CNKSR3: variants seen among roughly 807,000 people sequenced by gnomAD.
The protein encoded by CNKSR3 is CNKSR family member 3.
A neutral mutation model predicts 67.7 loss-of-function variants in CNKSR3; 36 were observed. The ratio of observed to expected loss-of-function variants is 0.53; its 90% CI spans 0.41 to 0.70. The LOEUF (loss-of-function observed/expected upper bound fraction) is 0.70, where lower values mean the gene tolerates loss of function less well. CNKSR3 is among the 30% of genes least tolerant of loss of function. The pLI is 0.00. For missense variants in CNKSR3, 630 were observed against 695.2 expected (o/e 0.91, Z 1.05); for synonymous variants, 281 against 271.4 (o/e 1.04, Z -0.35).
At position 154,404,926 on chromosome 6, in the gene CNKSR3, A is replaced by G. The variant is rs1193233574; in HGVS notation, c.*1428T>C. On this transcript the variant is annotated 3_prime_UTR_variant, in exon 13 of 13. Coordinates refer to ENST00000607772, the MANE Select transcript of CNKSR3 (RefSeq NM_173515.4). Reference sequence around the variant, plus strand: ...TGCTAGTTCCTTTAACCACACCAGAAGCATTTTAAAGGGAAGATGTTTCCT... The same window carrying G: ...TGCTAGTTCCTTTAACCACACCAGAGGCATTTTAAAGGGAAGATGTTTCCT... 1 of 152,254 alleles carries G rather than the reference A, an allele frequency of 6.6e-6. No homozygotes were observed. The highest frequency in any genetic ancestry group is 1.5e-5 in the Non-Finnish European group (1 of 68,048). 9.4% of individuals were successfully genotyped at this position (152,254 alleles called of 1,614,324 possible).
At chr6:154,423,514 T>C (rs1211274738) in intron 7 of CNKSR3, among the ~76,000 whole-genome samples, 2 of 152,118 alleles carry the variant, frequency 1.3e-5, no homozygotes, top group African/African-American at 4.8e-5. Flanking sequence ...CACCTCAGCC[T>C]CCCAAAGTGC....
chr6:154,422,948 AC>A lies in CNKSR3; in HGVS notation c.764del (p.Gly255ValfsTer17), dbSNP rs773809469. The A allele has an allele frequency of 6.2e-7, 1 of 1,613,312 alleles. No individual in the cohort carries two copies. Among genetic ancestry groups the A allele is most frequent in the South Asian group, 1.1e-5 (1 of 90,838 alleles). ...GCTGATTAACTTGAATGACTTCGTC[AC>A]CAGCATGAATCTTCTGAGATCTGTC... ...PADRSQKIHA[G>X]DEVIQVNQQT... On this transcript the variant is annotated frameshift_variant, in exon 8 of 13. Transcript: ENST00000607772. LOFTEE classifies it high-confidence loss of function.
At chr6:154,508,595 T>C (rs1246869144) in intron 1 of CNKSR3, among the ~76,000 whole-genome samples, 2 of 152,244 alleles carry the variant, frequency 1.3e-5, no homozygotes, top group Non-Finnish European at 2.9e-5. Context: ...ACACACCTCA[T>C]TTCAAGCTAG....
rs754462547 is a variant in CNKSR3, at chr6:154,406,393, C to A, written c.1629G>T (p.Leu543=). The A allele has an allele frequency of 1.9e-6, 3 of 1,614,044 alleles. No homozygotes were observed. In the South Asian group the frequency reaches 3.3e-5, roughly 18 times the overall value. Residue 543 remains leucine (L), a synonymous_variant, in exon 13 of 13, where the codon CTG becomes CTT. Transcript: ENST00000607772. ...GTTTGAGGCGCGTAAACCAGCTGAC[C>A]AGGAGGGACGGTTCTGTGGACGAGG... ...TKSSSTEPSL[L]VSWFTRLKLL...
intron 2 of CNKSR3, among the ~76,000 whole-genome samples, chr6:154,442,866 T>A (rs1437641212): frequency 6.6e-6 from 1 of 151,810 alleles, no homozygotes; most frequent in Non-Finnish European, 1.5e-5. Flanking sequence ...AATATTGTCG[T>A]AGACAGCTCA....
rs1233991893 is a variant in CNKSR3, at chr6:154,390,186, T to G, written c.*16168A>C. 1 of 152,324 alleles carries G rather than the reference T, an allele frequency of 6.6e-6. No individual in the cohort carries two copies. The highest frequency in any genetic ancestry group is 2.4e-5 in the African/African-American group (1 of 41,466). 9.4% of individuals were successfully genotyped at this position (152,324 alleles called of 1,614,324 possible). ...TTCCCCACATTTTCTCAGCACCACC[T>G]ACGTCTTAGACCTCAGCCATTTGCC... On this transcript the variant is annotated 3_prime_UTR_variant, in exon 13 of 13. Transcript: ENST00000607772.
rs1357528671 is a variant in CNKSR3 at position 154,454,102 on chromosome 6, C to CAG, written c.53-3845_53-3844insCT. 2.7e-3 allele frequency among the ~76,000 whole-genome samples: 306 copies of CAG among 115,224 alleles called. 3 individuals are homozygous for CAG. Among genetic ancestry groups the CAG allele is most frequent in the East Asian group, 0.011 (41 of 3,568 alleles). 75.6% of individuals were successfully genotyped at this position (115,224 alleles called of 152,430 possible). A position where few individuals can be genotyped will look rare whatever the true frequency, so the allele number is the denominator to read the frequency against. On this transcript the variant is annotated intron_variant, in intron 1 of 12. Transcript: ENST00000607772. Reference sequence around the variant, plus strand: ...ATGAAAACACACACACACACACACACACAGAGAGAGAGAGAGAGAGAGAGA... The same window carrying CAG: ...ATGAAAACACACACACACACACACACAGACAGAGAGAGAGAGAGAGAGAGAGA...
At position 154,387,639 on chromosome 6, in the gene CNKSR3, C is replaced by A. The variant is rs1430467775; in HGVS notation, c.*18715G>T. ...CCACAGATTGCTGCATTTGTAGCCA[C>A]ATGAGTCATTCAAAAGTGATATGAA... On this transcript the variant is annotated 3_prime_UTR_variant, in exon 13 of 13. Transcript: ENST00000607772. The A allele has an allele frequency of 6.6e-6, 1 of 152,154 alleles. No individual in the cohort carries two copies. Among genetic ancestry groups the A allele is most frequent in the Non-Finnish European group, 1.5e-5 (1 of 68,030 alleles). 9.4% of individuals were successfully genotyped at this position (152,154 alleles called of 1,614,324 possible). A position where few individuals can be genotyped will look rare whatever the true frequency, so the allele number is the denominator to read the frequency against.
At chr6:154,451,507 A>G (rs73790999) in intron 1 of CNKSR3, among the ~76,000 whole-genome samples, 17 of 14,678 alleles carry the variant, frequency 1.2e-3, no homozygotes, top group African/African-American at 6.5e-3. Flanking sequence ...ATACATGCAC[A>G]CACACGCGCA....
chr6:154,422,465 T>C, intron 9 of CNKSR3, 41 bp downstream of exon 9: 1 of 1,588,752 alleles, frequency 6.3e-7, no homozygotes, highest in Non-Finnish European at 8.6e-7. Context: ...AATGAGATAC[T>C]CAACATTGTT....
chr6:154,461,032 G>A (rs924069840), intron 1 of CNKSR3, among the ~76,000 whole-genome samples: 8 of 152,152 alleles, frequency 5.3e-5, no homozygotes, highest in Non-Finnish European at 1.2e-4. Context: ...TTCAAAGTGC[G>A]TGGTCCAAAC....
intron 3 of CNKSR3, 83 bp from the exon 4 acceptor site, chr6:154,441,462 C>G: frequency 1.1e-6 from 1 of 930,456 alleles, no homozygotes; most frequent in Non-Finnish European, 1.7e-6. Flanking sequence ...CATAGCTACC[C>G]CATGGGCTAC....
At chr6:154,423,961 G>A (rs756743576) in intron 7 of CNKSR3, among the ~76,000 whole-genome samples, 3 of 152,044 alleles carry the variant, frequency 2.0e-5, no homozygotes, top group Non-Finnish European at 4.4e-5. Context: ...GGCCGGGCGC[G>A]GTGCCTCATG....
chr6:154,508,826 C>G (rs1787153800), intron 1 of CNKSR3, among the ~76,000 whole-genome samples: 1 of 152,220 alleles, frequency 6.6e-6, no homozygotes, highest in African/African-American at 2.4e-5. Context: ...TGACACACCC[C>G]ACACACCTCG....
At chr6:154,443,482 C>T in intron 2 of CNKSR3, among the ~76,000 whole-genome samples, 1 of 151,508 alleles carries the variant, frequency 6.6e-6, no homozygotes. Context: ...CTCTCTAGCC[C>T]ATCACCCACT....
At chr6:154,454,529 G>C (rs1012318165) in intron 1 of CNKSR3, among the ~76,000 whole-genome samples, 3 of 151,978 alleles carry the variant, frequency 2.0e-5, no homozygotes, top group African/African-American at 7.3e-5. Flanking sequence ...TCTATTAACA[G>C]AAAAAATTTG....
chr6:154,502,115 C>T (rs985095069), intron 1 of CNKSR3, among the ~76,000 whole-genome samples: 1 of 151,916 alleles, frequency 6.6e-6, no homozygotes, highest in Non-Finnish European at 1.5e-5. Context: ...ATACGTTATG[C>T]AAGGGGCTTT....
intron 1 of CNKSR3, among the ~76,000 whole-genome samples, chr6:154,462,971 G>A (rs554656031): frequency 1.3e-5 from 2 of 152,284 alleles, no homozygotes; most frequent in Admixed American, 1.3e-4. Flanking sequence ...AAAAAAGGAA[G>A]GAAAAGTCCA....
At chr6:154,427,166 A>G (rs1005843887) in intron 7 of CNKSR3, among the ~76,000 whole-genome samples, 7 of 152,198 alleles carry the variant, frequency 4.6e-5, no homozygotes, top group African/African-American at 1.4e-4. Context: ...TTTATAATTC[A>G]TTGACTGCCT....
Sources: gnomAD v4.1 joint callset for allele counts (sites outside exome capture counted in the v4.1 genomes callset) on GRCh38, gnomAD v4.1.1 for gene constraint, MANE v1.5 for transcripts, NCBI Gene and HGNC (gene_info 2026-07-23, HGNC 2026-07-21) for gene names.